ATP2A2: variants seen among roughly 807,000 people sequenced by gnomAD.
ATP2A2 encodes the protein ATPase sarcoplasmic/endoplasmic reticulum Ca2+ transporting 2, also known as sarcoplasmic/endoplasmic reticulum calcium ATPase 2.
A neutral mutation model predicts 109.3 loss-of-function variants in ATP2A2; 14 were observed. The observed-to-expected ratio is 0.13, with a 90% CI of 0.08 to 0.20. The LOEUF (loss-of-function observed/expected upper bound fraction) is 0.20, where lower values mean the gene tolerates loss of function less well. Ranked by LOEUF, ATP2A2 falls within the 10% of genes least tolerant of loss-of-function variation. The pLI, the probability that ATP2A2 is intolerant of heterozygous loss-of-function variation, is 1.00. For synonymous variants in ATP2A2, 506 were observed against 490.9 expected, an observed-to-expected ratio of 1.03 and a Z score of -0.41; for missense variants, 657 against 1,321.6, an observed-to-expected ratio of 0.50 and a Z score of 7.80.
chr12:110,307,944 T>TA (rs1453072449), intron 5 of ATP2A2, among the ~76,000 whole-genome samples: 1 of 152,244 alleles, frequency 6.6e-6, no homozygotes, highest in Non-Finnish European at 1.5e-5. Flanking sequence ...GAGTATTTCC[T>TA]AGGTTTTCTT....
intron 6 of ATP2A2, chr12:110,325,732 C>T (rs1345270197): frequency 6.5e-6 from 1 of 154,706 alleles, no homozygotes; most frequent in Admixed American, 6.3e-5. Context: ...CCTGTAATTC[C>T]AGCACTTTGA....
chr12:110,338,576 G>A (rs201195407), intron 11 of ATP2A2, among the ~76,000 whole-genome samples: 2 of 152,058 alleles, frequency 1.3e-5, no homozygotes, highest in Admixed American at 6.5e-5. Flanking sequence ...CTCCTGCCTC[G>A]GCCTCCTGAG....
intron 3 of ATP2A2, among the ~76,000 whole-genome samples, chr12:110,287,841 C>T (rs895299182): frequency 2.0e-5 from 3 of 152,242 alleles, no homozygotes; most frequent in East Asian, 3.9e-4. Flanking sequence ...GTCTCCAGCT[C>T]CTGGCCTTAG....
At chr12:110,324,853 G>A (rs1214588797) in intron 6 of ATP2A2, among the ~76,000 whole-genome samples, 4 of 148,512 alleles carry the variant, frequency 2.7e-5, no homozygotes, top group African/African-American at 7.5e-5. Flanking sequence ...TTTAAAGACA[G>A]AGTTGCACTC....
At chr12:110,287,029 G>A (rs900184416) in intron 3 of ATP2A2, among the ~76,000 whole-genome samples, 1 of 152,100 alleles carries the variant, frequency 6.6e-6, no homozygotes, top group Non-Finnish European at 1.5e-5. Flanking sequence ...GAGGTGGGTG[G>A]ATCATTTGAG....
intron 5 of ATP2A2, among the ~76,000 whole-genome samples, chr12:110,315,190 C>T (rs1876542132): frequency 6.6e-6 from 1 of 152,104 alleles, no homozygotes. Flanking sequence ...GTATATATAT[C>T]TGTTGAAAGA....
Position 110,348,474 on chromosome 12 carries a change from T to C in ATP2A2, c.*2004T>C. 1 of 985,398 alleles carries C rather than the reference T, an allele frequency of 1.0e-6. No individual in the cohort carries two copies. The allele number at this position is 985,398 out of a possible 1,614,324, so 61.0% of individuals were successfully genotyped here. A position where few individuals can be genotyped will look rare whatever the true frequency, so the allele number is the denominator to read the frequency against. On this transcript the variant is annotated 3_prime_UTR_variant, in exon 20 of 20. Coordinates refer to ENST00000539276, the MANE Select transcript of ATP2A2 (RefSeq NM_170665.4). ...AGATGTAATGCAGATGGTTGGAGTT[T>C]GGGGAGGGTTAGGAGGCATCAAGCA...
chr12:110,293,852 G>GTATATATATATATATATA (rs1243133325), intron 4 of ATP2A2, among the ~76,000 whole-genome samples: 1 of 122,868 alleles, frequency 8.1e-6, no homozygotes, highest in Non-Finnish European at 1.7e-5. Context: ...GTGTGTGTGT[G>GTATATATATATATATATA]TGTGTGTGTG....
In ATP2A2 at chr12:110,281,680, G is replaced by T. The variant is rs940478994; in HGVS notation, c.-110G>T. ...GCGGCCGCAAGAGGAGGAGGGGAGA[G>T]CCCGTCCGCGCCTGGGCTCCCGGGG... On this transcript the variant is annotated 5_prime_UTR_variant, in exon 1 of 20. Coordinates refer to ENST00000539276, the MANE Select transcript of ATP2A2 (RefSeq NM_170665.4). The T allele has an allele frequency of 4.6e-6, 3 of 645,898 alleles. No individual in the cohort carries two copies. The highest frequency in any genetic ancestry group is 4.5e-5 in the Admixed American group (1 of 22,468). 40.0% of individuals were successfully genotyped at this position (645,898 alleles called of 1,614,324 possible). A position where few individuals can be genotyped will look rare whatever the true frequency, so the allele number is the denominator to read the frequency against.
chr12:110,339,606 G>A lies in ATP2A2; in HGVS notation c.1646G>A (p.Arg549Gln). 2 of 1,614,170 alleles carry A rather than the reference G, an allele frequency of 1.2e-6. No homozygotes were observed. Among genetic ancestry groups the A allele is most frequent in the East Asian group, 2.2e-5 (1 of 44,886 alleles). ...AAACAGAAGATCATGTCTGTCATTC[G>A]AGAGTGGGGTAGTGGCAGCGACACA... Reference protein sequence around the residue: ...GVKQKIMSVIREWGSGSDTLR... With the variant: ...GVKQKIMSVIQEWGSGSDTLR... The change falls in exon 13 of 20, where the codon CGA (arginine) becomes CAA (glutamine). Residue 549 changes from arginine (R) to glutamine (Q), a missense_variant. Arg to Gln is a conservative substitution (Grantham distance 43). Around this residue, in one of 9 missense-constraint regions of ATP2A2, gnomAD observed 180 missense variants for 329.1 expected, o/e 0.55. Coordinates refer to ENST00000539276, the MANE Select transcript of ATP2A2 (RefSeq NM_170665.4). The surrounding 1 kb of genome is among the most constrained non-coding windows in gnomAD (Gnocchi z 4.4).
At position 110,342,239 on chromosome 12, in the gene ATP2A2, C is replaced by T. The variant is rs138478986; in HGVS notation, c.2109C>T (p.Gly703=). ...FDEITAMTGD[G]VNDAPALKKA... is the part of the protein sequence containing the mutation. ...GCTTTCCCTTTCAGACTGGCGATGG[C>T]GTGAACGATGCTCCTGCTCTGAAGA... The change falls in exon 15 of 20, where the codon GGC becomes GGT. Residue 703 remains glycine (G), a synonymous_variant. Transcript: ENST00000539276. This position sits in a 1 kb window ranked among gnomAD's most constrained non-coding sequence, Gnocchi z 4.6. 7.2e-5 allele frequency: 116 copies of T among 1,614,060 alleles called. No individual in the cohort carries two copies. The highest frequency in any genetic ancestry group is 8.4e-5 in the Non-Finnish European group (99 of 1,180,042).
At chr12:110,315,101 T>C (rs993537681) in intron 5 of ATP2A2, among the ~76,000 whole-genome samples, 1 of 152,138 alleles carries the variant, frequency 6.6e-6, no homozygotes, top group African/African-American at 2.4e-5. Context: ...CTCCTGACCT[T>C]GTGATCCGCC....
In ATP2A2 at chr12:110,301,425, A is replaced by G. The variant is rs181659816; in HGVS notation, c.463+4688A>G. ...TTCCCGTCTTTTGTAAGACACTCTA[A>G]CCTAATTAACTGTGAGAAACTTGGA... On this transcript the variant is annotated intron_variant, in intron 5 of 19. Coordinates refer to ENST00000539276, the MANE Select transcript of ATP2A2 (RefSeq NM_170665.4). Among the ~76,000 whole-genome samples the G allele has an allele frequency of 1.8e-3, 270 of 152,166 alleles. 1 individual carries two copies. The highest frequency in any genetic ancestry group is 2.9e-3 in the Non-Finnish European group (198 of 67,994).
intron 5 of ATP2A2, among the ~76,000 whole-genome samples, chr12:110,314,118 C>G (rs1034849893): frequency 6.6e-6 from 1 of 151,780 alleles, no homozygotes; most frequent in African/African-American, 2.4e-5. Context: ...CACCTGAGGT[C>G]AGGAGTTCGA....
chr12:110,292,550 T>C (rs932838152), intron 4 of ATP2A2, among the ~76,000 whole-genome samples: 1 of 152,204 alleles, frequency 6.6e-6, no homozygotes, highest in African/African-American at 2.4e-5. Flanking sequence ...ATTACAGACG[T>C]GAGCCACCAT....
chr12:110,320,466 T>C (rs1877122639), intron 5 of ATP2A2, among the ~76,000 whole-genome samples: 1 of 152,238 alleles, frequency 6.6e-6, no homozygotes, highest in African/African-American at 2.4e-5. Context: ...ATATTCATCA[T>C]TGAACTTGTC....
intron 6 of ATP2A2, among the ~76,000 whole-genome samples, 199 bp downstream of exon 6, chr12:110,323,271 G>A (rs759525987): frequency 6.6e-6 from 1 of 152,118 alleles, no homozygotes; most frequent in Non-Finnish European, 1.5e-5. Context: ...TGCAGCCTCC[G>A]CCTCTCAGGT....
In ATP2A2 at chr12:110,340,885, C is replaced by T. The variant is rs976268603; in HGVS notation, c.1988C>T (p.Ser663Phe). The T allele has an allele frequency of 6.2e-7, 1 of 1,614,106 alleles. No homozygotes were observed. Residue 663 changes from serine to phenylalanine, a missense_variant, in exon 14 of 20, where the codon TCC (serine) becomes TTC (phenylalanine). This residue lies in a region of ATP2A2 where 180 missense variants were observed against 329.1 expected (regional missense o/e 0.55). Coordinates refer to ENST00000539276, the MANE Select transcript of ATP2A2 (RefSeq NM_170665.4). This position sits in a 1 kb window ranked among gnomAD's most constrained non-coding sequence, Gnocchi z 6.0. ...CGGGAGTTTGATGAACTCAACCCCT[C>T]CGCCCAGCGAGACGCCTGCCTGAAC... ...TGREFDELNP[S>F]AQRDACLNAR...
chr12:110,318,231 T>A (rs1347595280), intron 5 of ATP2A2, among the ~76,000 whole-genome samples: 1 of 152,158 alleles, frequency 6.6e-6, no homozygotes, highest in Non-Finnish European at 1.5e-5. Context: ...GACCTTTACT[T>A]TCATGAACCT....
Sources: gnomAD v4.1 joint callset for allele counts (sites outside exome capture counted in the v4.1 genomes callset) on GRCh38, gnomAD v4.1.1 for gene constraint, gnomAD v4.1.1 regional missense constraint, Gnocchi (gnomAD v3.1) non-coding constraint, MANE v1.5 for transcripts, NCBI Gene and HGNC (gene_info 2026-07-23, HGNC 2026-07-21) for gene names.